RNF157: variants seen among roughly 807,000 people sequenced by gnomAD.
RNF157 encodes E3 ubiquitin ligase RNF157.
Under a neutral mutation model 88.3 loss-of-function variants are expected in RNF157, and 55 were observed. That is an observed-to-expected ratio of 0.62 (90% confidence interval 0.50 to 0.78). The LOEUF (loss-of-function observed/expected upper bound fraction) is 0.78, where lower values mean the gene tolerates loss of function less well. Among genes scored for constraint, RNF157 ranks in the 30% least tolerant of loss-of-function variants. The pLI, the probability that RNF157 is intolerant of heterozygous loss-of-function variation, is 0.00. For synonymous variants in RNF157, 334 were observed against 341.2 expected, an observed-to-expected ratio of 0.98 and a Z score of 0.23; for missense variants, 788 against 860.8, an observed-to-expected ratio of 0.92 and a Z score of 1.06.
At chr17:76,200,898 G>C (rs923393619) in intron 2 of RNF157, among the ~76,000 whole-genome samples, 7 of 152,032 alleles carry the variant, frequency 4.6e-5, no homozygotes, top group South Asian at 2.1e-4. Flanking sequence ...CGAGCTCCCT[G>C]ACTCTCCTCC....
chr17:76,196,440 C>T (rs1318547244), intron 2 of RNF157, among the ~76,000 whole-genome samples: 1 of 152,172 alleles, frequency 6.6e-6, no homozygotes, highest in African/African-American at 2.4e-5. Context: ...CTGGCCACAG[C>T]GGAGGGCTCA....
intron 2 of RNF157, among the ~76,000 whole-genome samples, chr17:76,185,715 C>T (rs1259394553): frequency 1.3e-5 from 2 of 151,996 alleles, no homozygotes; most frequent in African/African-American, 2.4e-5. Flanking sequence ...GTGATCCGCC[C>T]GCCTCGGCCT....
At chr17:76,228,140 T>C (rs1342612964) in intron 1 of RNF157, among the ~76,000 whole-genome samples, 1 of 152,158 alleles carries the variant, frequency 6.6e-6, no homozygotes, top group East Asian at 1.9e-4. Flanking sequence ...TTCCCCCCAC[T>C]AATTTAAATT....
At chr17:76,151,972 A>G (rs1333279207) in intron 18 of RNF157, among the ~76,000 whole-genome samples, 2 of 152,204 alleles carry the variant, frequency 1.3e-5, no homozygotes, top group Non-Finnish European at 2.9e-5. Flanking sequence ...TAAAGGGCGC[A>G]GGCAATCCTT....
intron 3 of RNF157, among the ~76,000 whole-genome samples, chr17:76,171,733 A>G (rs891123800): frequency 6.6e-6 from 1 of 152,192 alleles, no homozygotes; most frequent in African/African-American, 2.4e-5. Context: ...TCACCATTTT[A>G]CAGATAAAAG....
chr17:76,231,419 T>TCA (rs1165127160), intron 1 of RNF157, among the ~76,000 whole-genome samples: 1 of 152,190 alleles, frequency 6.6e-6, no homozygotes, highest in African/African-American at 2.4e-5. Context: ...GCTTGTCTTC[T>TCA]CAACTTTTTA....
chr17:76,213,297 T>G (rs1354352876), intron 1 of RNF157, among the ~76,000 whole-genome samples: 1 of 152,082 alleles, frequency 6.6e-6, no homozygotes, highest in Non-Finnish European at 1.5e-5. Context: ...CAGGCCGGCA[T>G]GGTGGCTCAT....
intron 2 of RNF157, among the ~76,000 whole-genome samples, chr17:76,191,887 T>C (rs934243650): frequency 2.6e-5 from 4 of 152,240 alleles, no homozygotes; most frequent in Non-Finnish European, 5.9e-5. Context: ...TGAAGTGTGC[T>C]GCTTAGGGAC....
chr17:76,155,499 T>G, intron 15 of RNF157, 63 bp downstream of exon 15: 1 of 1,575,916 alleles, frequency 6.3e-7, no homozygotes, highest in Non-Finnish European at 8.7e-7. Flanking sequence ...CCTTTGGTTA[T>G]GCTACTTTGG....
chr17:76,156,204 A>G lies in RNF157; in HGVS notation c.1525+6T>C. The G allele has an allele frequency of 6.2e-7, 1 of 1,608,786 alleles. No individual in the cohort carries two copies. Among genetic ancestry groups the G allele is most frequent in the Non-Finnish European group, 8.5e-7 (1 of 1,175,208 alleles). On this transcript the variant is annotated splice_donor_region_variant and intron_variant, in intron 14 of 18. Coordinates refer to ENST00000269391, the MANE Select transcript of RNF157 (RefSeq NM_052916.3). ...GACATGCAGCCACTCCCCGCTCCTT[A>G]TGTACCTTCTGGGGAGGAAATAGTG...
Position 76,156,328 on chromosome 17 carries a change from G to A in RNF157, c.1414-7C>T, listed in dbSNP as rs1445612229. 1.2e-6 allele frequency: 2 copies of A among 1,613,962 alleles called. No individual in the cohort carries two copies. The highest frequency in any genetic ancestry group is 2.2e-5 in the East Asian group (1 of 44,878). ...CTGGAGTCACACCACATTCCTGGGG[G>A]TTGTGGGGGGACACAACAGGACATG... On this transcript the variant is annotated splice_polypyrimidine_tract_variant and splice_region_variant and intron_variant, in intron 13 of 18. Coordinates refer to ENST00000269391, the MANE Select transcript of RNF157 (RefSeq NM_052916.3).
chr17:76,231,945 T>C (rs921899990), intron 1 of RNF157, among the ~76,000 whole-genome samples: 1 of 152,244 alleles, frequency 6.6e-6, no homozygotes, highest in African/African-American at 2.4e-5. Context: ...CTGCTTTCTA[T>C]CTCTATAAAT....
chr17:76,211,259 T>A (rs2069794507), intron 2 of RNF157, among the ~76,000 whole-genome samples: 1 of 152,264 alleles, frequency 6.6e-6, no homozygotes, highest in African/African-American at 2.4e-5. Flanking sequence ...TGAATGCTCT[T>A]AGGCCTGTGC....
At chr17:76,238,587 G>T (rs947095106) in intron 1 of RNF157, among the ~76,000 whole-genome samples, 1 of 152,150 alleles carries the variant, frequency 6.6e-6, no homozygotes, top group Non-Finnish European at 1.5e-5. Flanking sequence ...ATGAAAGAGC[G>T]GTGAATACTT....
chr17:76,148,915 AACTATC>A (rs2068630394), intron 18 of RNF157, among the ~76,000 whole-genome samples: 1 of 152,096 alleles, frequency 6.6e-6, no homozygotes, highest in Non-Finnish European at 1.5e-5. Flanking sequence ...GCCTTCATAG[AACTATC>A]ACTTGCCACG....
intron 2 of RNF157, among the ~76,000 whole-genome samples, chr17:76,203,380 C>T (rs961928378): frequency 1.3e-5 from 2 of 152,020 alleles, no homozygotes; most frequent in Admixed American, 1.3e-4. Flanking sequence ...TCTTAACCAA[C>T]ATGACAAAGT....
intron 2 of RNF157, among the ~76,000 whole-genome samples, chr17:76,199,104 T>A (rs1199488896): frequency 6.6e-6 from 1 of 151,976 alleles, no homozygotes; most frequent in Non-Finnish European, 1.5e-5. Flanking sequence ...AATGAAGGAG[T>A]GAGCCAGTTA....
chr17:76,237,185 T>C (rs2070297482), intron 1 of RNF157, among the ~76,000 whole-genome samples: 1 of 152,248 alleles, frequency 6.6e-6, no homozygotes. Flanking sequence ...CTGCCATTCT[T>C]GATAGGATTT....
intron 2 of RNF157, among the ~76,000 whole-genome samples, chr17:76,174,995 C>G (rs964081364): frequency 6.6e-6 from 1 of 152,086 alleles, no homozygotes; most frequent in Admixed American, 6.6e-5. Flanking sequence ...ACTTGAAAAA[C>G]ACAAAAAAGT....
Sources: allele counts gnomAD v4.1 joint callset (sites outside exome capture counted in the v4.1 genomes callset), GRCh38; gene constraint gnomAD v4.1.1; transcripts MANE v1.5; gene names NCBI Gene and HGNC (gene_info 2026-07-23, HGNC 2026-07-21).